MTX1: variants seen among roughly 807,000 people sequenced by gnomAD.
MTX1 encodes metaxin 1.
MTX1 carries 20 observed loss-of-function variants against 39.4 expected under a neutral mutation model. The observed-to-expected ratio is 0.51, with a 90% CI of 0.36 to 0.74. The LOEUF (loss-of-function observed/expected upper bound fraction) is 0.74, where lower values mean the gene tolerates loss of function less well. Among genes scored for constraint, MTX1 ranks in the 30% least tolerant of loss-of-function variants. The pLI, the probability that MTX1 is intolerant of heterozygous loss-of-function variation, is 0.00. For synonymous variants in MTX1, 209 were observed against 198.6 expected, an observed-to-expected ratio of 1.05 and a Z score of -0.44; for missense variants, 481 against 485.9, an observed-to-expected ratio of 0.99 and a Z score of 0.10.
chr1:155,208,937 G>C lies in MTX1; in HGVS notation c.133G>C (p.Glu45Gln), dbSNP rs778147019. 10 of 1,610,304 alleles carry C rather than the reference G, an allele frequency of 6.2e-6. No homozygotes were observed. In the Admixed American group the frequency reaches 6.7e-5, roughly 11 times the overall value. Residue 45 changes from glutamate to glutamine, a missense_variant, in exon 1 of 8, where the codon GAG (glutamate) becomes CAG (glutamine). Transcript: ENST00000368376. ...WPRRTRPRSP[E>Q]PAAPSGVRGS... Reference sequence around the variant, plus strand: ...CAGGCGCACAAGACCCCGCTCTCCAGAGCCTGCCGCGCCTTCAGGGGTTCG... The same window carrying C: ...CAGGCGCACAAGACCCCGCTCTCCACAGCCTGCCGCGCCTTCAGGGGTTCG...
chr1:155,209,438 G>A, intron 1 of MTX1, 106 bp downstream of exon 1: 3 of 1,240,014 alleles, frequency 2.4e-6, no homozygotes, highest in Non-Finnish European at 3.1e-6. Flanking sequence ...CGGGCGCAGT[G>A]GGGGAAACTG....
chr1:155,209,864 T>C (rs141345404), intron 1 of MTX1, among the ~76,000 whole-genome samples: 49 of 152,378 alleles, frequency 3.2e-4, no homozygotes, highest in African/African-American at 1.1e-3. Context: ...ATCTATTAGA[T>C]TTCTTCCAAA....
chr1:155,211,230 C>T (rs1246067402), intron 3 of MTX1: 1 of 153,118 alleles, frequency 6.5e-6, no homozygotes, highest in East Asian at 1.9e-4. Context: ...TTTCTAACTT[C>T]CCAAAGGTTG....
Position 155,210,399 on chromosome 1 carries a change from C to T in MTX1, c.582C>T (p.Pro194=), listed in dbSNP as rs142201715. 3 of 1,614,080 alleles carry T rather than the reference C, an allele frequency of 1.9e-6. No homozygotes were observed. In the African/African-American group the frequency reaches 4.0e-5, roughly 22 times the overall value. Residue 194 remains proline (P), a synonymous_variant, in exon 2 of 8, where the codon CCC becomes CCT. Transcript: ENST00000368376. ...APLKVHKISN[P]WQSPSGTLPA... ...TGAAGGTACACAAGATCAGCAACCCCTGGCAGAGCCCTTCAGGTACCCAGT... is the reference window on the plus strand; with the variant it reads ...TGAAGGTACACAAGATCAGCAACCCTTGGCAGAGCCCTTCAGGTACCCAGT...
intron 1 of MTX1, 62 bp downstream of exon 1, chr1:155,209,394 C>T: frequency 7.4e-7 from 1 of 1,349,890 alleles, no homozygotes; most frequent in Non-Finnish European, 9.5e-7. Flanking sequence ...GCCGAACTAG[C>T]CAAGCATCCA....
chr1:155,211,646 C>G (rs1320237524), intron 3 of MTX1: 1 of 154,528 alleles, frequency 6.5e-6, no homozygotes, highest in Non-Finnish European at 1.4e-5. Context: ...GAGCTGGGCA[C>G]TGAGGGAACA....
chr1:155,212,068 C>T (rs942352003), intron 3 of MTX1, 59 bp from the exon 4 acceptor site: 58 of 1,461,686 alleles, frequency 4.0e-5, no homozygotes, highest in Non-Finnish European at 5.3e-5. Context: ...ACTCCTTCCT[C>T]CCTGGTGAAG....
At position 155,210,379 on chromosome 1, in the gene MTX1, G is replaced by T. The variant is rs772065889; in HGVS notation, c.562G>T (p.Val188Leu). The T allele has an allele frequency of 6.2e-7, 1 of 1,614,178 alleles. No homozygotes were observed. The highest frequency in any genetic ancestry group is 2.2e-5 in the East Asian group (1 of 44,894). ...CAGATTTACTGGTGCTCCACTGAAG[G>T]TACACAAGATCAGCAACCCCTGGCA... ...YARFTGAPLK[V>L]HKISNPWQSP... Residue 188 changes from valine to leucine, a missense_variant, in exon 2 of 8, where the codon GTA becomes TTA. Val to Leu is a conservative substitution (Grantham distance 32). Transcript: ENST00000368376.
At position 155,212,157 on chromosome 1, in the gene MTX1, C is replaced by T. The variant is rs752545512; in HGVS notation, c.709C>T (p.Arg237Trp). Residue 237 changes from arginine (R) to tryptophan (W), a missense_variant, in exon 4 of 8, where the codon CGG (arginine) becomes TGG (tryptophan). Physicochemically the swap from Arg to Trp is moderately radical, Grantham distance 101. Around this residue, in one of 2 missense-constraint regions of MTX1, gnomAD observed 368 missense variants for 332.8 expected, o/e 1.11. Transcript: ENST00000368376. Reference sequence around the variant, plus strand: ...CAATGCTGATTATGATCTGTCAGCTCGGCAAGGGGCAGACACCCTGGCCTT... The same window carrying T: ...CAATGCTGATTATGATCTGTCAGCTTGGCAAGGGGCAGACACCCTGGCCTT... The part of the protein sequence containing the change: ...KYNADYDLSA[R>W]QGADTLAFMS... The T allele has an allele frequency of 1.4e-5, 22 of 1,611,646 alleles. No individual in the cohort carries two copies. The South Asian group carries it at 2.1e-4, about 15-fold the overall frequency.
intron 1 of MTX1, 43 bp from the exon 2 acceptor site, chr1:155,210,303 G>A (rs1671068176): frequency 1.3e-6 from 2 of 1,527,046 alleles, no homozygotes; most frequent in South Asian, 1.1e-5. Context: ...CCACTGTGGG[G>A]GACATGGCTC....
In MTX1 at chr1:155,210,567, G is replaced by A. The variant is rs1179155632; in HGVS notation, c.618G>A (p.Arg206=). The change falls in exon 3 of 8, where the codon CGG becomes CGA. Residue 206 remains arginine, a synonymous_variant. Coordinates refer to ENST00000368376, the MANE Select transcript of MTX1 (RefSeq NM_002455.5). ...TATCAGGAACTCTGCCTGCCCTTCG[G>A]ACCAGTCATGGAGAGGTCATCTCAG... ...QSPSGTLPAL[R]TSHGEVISVP... 1.2e-6 allele frequency: 2 copies of A among 1,613,966 alleles called. No individual in the cohort carries two copies. Among genetic ancestry groups the A allele is most frequent in the African/African-American group, 2.7e-5 (2 of 74,914 alleles).
rs1422101658 is a variant in MTX1, at chr1:155,212,764, G to C, written c.1025G>C (p.Gly342Ala). The C allele has an allele frequency of 3.1e-6, 5 of 1,591,424 alleles. No individual in the cohort carries two copies. The highest frequency in any genetic ancestry group is 1.7e-6 in the Non-Finnish European group (2 of 1,168,598). Reference sequence around the variant, plus strand: ...CTGGGCTCTCAAAAGTTCTTCTTTGGAGATGCGTGAGTCTGACTCCAAGAG... The same window carrying C: ...CTGGGCTCTCAAAAGTTCTTCTTTGCAGATGCGTGAGTCTGACTCCAAGAG... ...QRLGSQKFFF[G>A]DAPASLDAFV... The change falls in exon 6 of 8, where the codon GGA (glycine) becomes GCA (alanine). Residue 342 changes from glycine to alanine, a missense_variant. This residue lies in a region of MTX1 where 113 missense variants were observed against 153.2 expected (regional missense o/e 0.74). Transcript: ENST00000368376.
intron 4 of MTX1, 48 bp downstream of exon 4, chr1:155,212,267 T>G: frequency 6.3e-7 from 1 of 1,595,082 alleles, no homozygotes; most frequent in Non-Finnish European, 8.6e-7. Flanking sequence ...CGGGGAGGGT[T>G]CGGGAACACA....
rs1220307058 is a variant in MTX1 at position 155,210,633 on chromosome 1, TG to T, written c.678+7del. ...TCACCCACCTTCGAAAAGAGGTAGG[TG>T]ACTTGGATAGAGGGGGCTGCCAGTG... On this transcript the variant is annotated splice_region_variant and intron_variant, in intron 3 of 7. Transcript: ENST00000368376. The T allele has an allele frequency of 6.2e-7, 1 of 1,612,922 alleles. No homozygotes were observed. The highest frequency in any genetic ancestry group is 1.1e-5 in the South Asian group (1 of 91,046).
chr1:155,211,980 C>A (rs1671144215), intron 3 of MTX1, 147 bp from the exon 4 acceptor site: 4 of 666,634 alleles, frequency 6.0e-6, no homozygotes, highest in Non-Finnish European at 9.8e-6. Context: ...TGGGCCCAGG[C>A]AAGGGGGCCT....
intron 3 of MTX1, 96 bp downstream of exon 3, chr1:155,210,723 A>C: frequency 8.7e-7 from 1 of 1,155,328 alleles, no homozygotes; most frequent in East Asian, 2.3e-5. Context: ...GCCATGCTAG[A>C]TGCAGGTGAC....
Position 155,212,452 on chromosome 1 carries a change from T to C in MTX1, c.839T>C (p.Met280Thr), listed in dbSNP as rs369022011. The change falls in exon 5 of 8, where the codon ATG becomes ACG. Residue 280 changes from methionine to threonine, a missense_variant. By Grantham distance (81) the Met-to-Thr change is moderately conservative. Coordinates refer to ENST00000368376, the MANE Select transcript of MTX1 (RefSeq NM_002455.5). ...ACCCGGAAGTGGTATGCAGAGGCTATGCCCTTTCCCCTCAACTTCTTCCTG... is the reference window on the plus strand; with the variant it reads ...ACCCGGAAGTGGTATGCAGAGGCTACGCCCTTTCCCCTCAACTTCTTCCTG... ...EVTRKWYAEA[M>T]PFPLNFFLPG... 179 of 1,614,122 alleles carry C rather than the reference T, an allele frequency of 1.1e-4. No individual in the cohort carries two copies. Among genetic ancestry groups the C allele is most frequent in the Admixed American group, 4.2e-4 (25 of 60,016 alleles).
In MTX1 at chr1:155,210,740, C is replaced by G. The variant is rs1671105390; in HGVS notation, c.678+113C>G. 3 of 935,412 alleles carry G rather than the reference C, an allele frequency of 3.2e-6. No homozygotes were observed. The South Asian group carries it at 4.3e-5, about 13-fold the overall frequency. The allele number at this position is 935,412 out of a possible 1,614,324, so 57.9% of individuals were successfully genotyped here. ...CATGCTAGATGCAGGTGACCCAGAG[C>G]ATCAAGGAGCAACAGTCTTGTGGCA... On this transcript the variant is annotated intron_variant, in intron 3 of 7. Coordinates refer to ENST00000368376, the MANE Select transcript of MTX1 (RefSeq NM_002455.5).
Position 155,208,768 on chromosome 1 carries a change from G to A in MTX1, c.-37G>A, listed in dbSNP as rs1052880669. 6 of 1,440,724 alleles carry A rather than the reference G, an allele frequency of 4.2e-6. No individual in the cohort carries two copies. Among genetic ancestry groups the A allele is most frequent in the Non-Finnish European group, 5.5e-6 (6 of 1,091,872 alleles). 89.2% of individuals were successfully genotyped at this position (1,440,724 alleles called of 1,614,324 possible). A position where few individuals can be genotyped will look rare whatever the true frequency, so the allele number is the denominator to read the frequency against. ...TTTTGTTTCCATGGCGACAGGCGGC[G>A]CAGGGCCCGCTCCAAACATAACGCG... On this transcript the variant is annotated 5_prime_UTR_variant, in exon 1 of 8. Coordinates refer to ENST00000368376, the MANE Select transcript of MTX1 (RefSeq NM_002455.5).
Sources: gnomAD v4.1 joint callset for allele counts (sites outside exome capture counted in the v4.1 genomes callset) on GRCh38, gnomAD v4.1.1 for gene constraint, gnomAD v4.1.1 regional missense constraint, MANE v1.5 for transcripts, NCBI Gene and HGNC (gene_info 2026-07-23, HGNC 2026-07-21) for gene names.